The following ABCC12 variants were observed in gnomAD, a reference collection of about 807,000 sequenced individuals.
The protein encoded by ABCC12 is ATP-binding cassette sub-family C member 12.
ABCC12 carries 142 observed loss-of-function variants against 151.1 expected under a neutral mutation model. The ratio of observed to expected loss-of-function variants is 0.94; its 90% CI spans 0.82 to 1.08. ABCC12 has a LOEUF of 1.08. Among genes scored for constraint, ABCC12 ranks in the 50% least tolerant of loss-of-function variants. The pLI, the probability that ABCC12 is intolerant of heterozygous loss-of-function variation, is 0.00. For missense variants in ABCC12, 1,638 were observed against 1,691.1 expected, an observed-to-expected ratio of 0.97 and a Z score of 0.55; for synonymous variants, 645 against 646.4, an observed-to-expected ratio of 1.00 and a Z score of 0.03.
Position 48,115,457 on chromosome 16 carries a change from C to T in ABCC12, c.1947G>A (p.Thr649=), listed in dbSNP as rs566379811. 1.1e-5 allele frequency: 18 copies of T among 1,614,158 alleles called. No homozygotes were observed. The East Asian group carries it at 1.6e-4, about 14-fold the overall frequency. ...CCAGGACGACTGTCTTTCCCCTGAG[C>T]GTCTTCTTAATGCACTCCTCAAAGA... The part of the protein sequence containing the change: ...KHVFEECIKK[T]LRGKTVVLVT... The change falls in exon 15 of 31, where the codon ACG becomes ACA. Residue 649 remains threonine, a synonymous_variant. Transcript: ENST00000311303.
At chr16:48,141,526 A>AG (rs1964815564) in intron 4 of ABCC12, among the ~76,000 whole-genome samples, 173 bp from the exon 5 acceptor site, 1 of 152,184 alleles carries the variant, frequency 6.6e-6, no homozygotes, top group Non-Finnish European at 1.5e-5. Context: ...GGATTTGGGA[A>AG]GGGCAGGGGG....
At chr16:48,118,824 G>A (rs147782470) in intron 13 of ABCC12, among the ~76,000 whole-genome samples, 65 of 152,308 alleles carry the variant, frequency 4.3e-4, no homozygotes, top group East Asian at 2.5e-3. Flanking sequence ...CCAGCTGGGC[G>A]ACCTTGGACA....
At chr16:48,106,363 G>A (rs917437637) in intron 20 of ABCC12, among the ~76,000 whole-genome samples, 7 of 152,058 alleles carry the variant, frequency 4.6e-5, no homozygotes, top group African/African-American at 1.7e-4. Context: ...GGCACCAGGC[G>A]CAAACATACA....
intron 3 of ABCC12, 110 bp downstream of exon 3, chr16:48,146,196 G>T: frequency 1.1e-6 from 1 of 947,670 alleles, no homozygotes; most frequent in Non-Finnish European, 1.7e-6. Flanking sequence ...ACGGACAAAA[G>T]GACGAGCAGA....
intron 26 of ABCC12, 66 bp downstream of exon 26, chr16:48,088,479 C>G (rs1439477693): frequency 2.0e-6 from 3 of 1,533,580 alleles, no homozygotes; most frequent in African/African-American, 2.7e-5. Context: ...TGTGACTTAA[C>G]TAGGACATCC....
rs1469497491 is a variant in ABCC12 at position 48,083,932 on chromosome 16, C to T, written c.3970G>A (p.Val1324Ile). 4.3e-6 allele frequency: 7 copies of T among 1,612,370 alleles called. No homozygotes were observed. Among genetic ancestry groups the T allele is most frequent in the East Asian group, 2.2e-5 (1 of 44,888 alleles). The change falls in exon 30 of 31, where the codon GTC (valine) becomes ATC (isoleucine). Residue 1324 changes from valine to isoleucine, a missense_variant. Val to Ile is a conservative substitution (Grantham distance 29). Coordinates refer to ENST00000311303, the MANE Select transcript of ABCC12 (RefSeq NM_001393797.1). ...ACCTTCCCATTTTCCATAACCAGGA[C>T]GTGATCGCAGTTGAGAACTGTGTTG... Reference protein sequence around the residue: ...RLNTVLNCDHVLVMENGKVIE... With the variant: ...RLNTVLNCDHILVMENGKVIE...
At chr16:48,125,071 G>C in intron 11 of ABCC12, among the ~76,000 whole-genome samples, 1 of 152,194 alleles carries the variant, frequency 6.6e-6, no homozygotes, top group Non-Finnish European at 1.5e-5. Flanking sequence ...GTCTTAGCTT[G>C]AGTTTTCCCA....
At chr16:48,127,259 A>G (rs1422299016) in intron 11 of ABCC12, among the ~76,000 whole-genome samples, 1 of 152,144 alleles carries the variant, frequency 6.6e-6, no homozygotes, top group Non-Finnish European at 1.5e-5. Context: ...CACAAGATTA[A>G]TGTTGAGCCC....
intron 1 of ABCC12, among the ~76,000 whole-genome samples, chr16:48,155,159 C>G (rs889599558): frequency 2.0e-5 from 3 of 152,258 alleles, no homozygotes; most frequent in Admixed American, 6.5e-5. Context: ...ATGCAGGGGA[C>G]AGCACCAAGC....
rs1965147952 is a variant in ABCC12, at chr16:48,153,808, G to T, written c.-243C>A. ...GGTAATTTCCTTGAGTGCTCCCCAG[G>T]GCATGTGAAGTTTTGATGATCTGAG... On this transcript the variant is annotated 5_prime_UTR_variant, in exon 2 of 31. Coordinates refer to ENST00000311303, the MANE Select transcript of ABCC12 (RefSeq NM_001393797.1). The T allele has an allele frequency of 6.6e-6, 1 of 152,192 alleles. No individual in the cohort carries two copies. 9.4% of individuals were successfully genotyped at this position (152,192 alleles called of 1,614,324 possible). A position where few individuals can be genotyped will look rare whatever the true frequency, so the allele number is the denominator to read the frequency against.
rs556325214 is a variant in ABCC12 at position 48,118,973 on chromosome 16, C to T, written c.1713-1640G>A. Among the ~76,000 whole-genome samples, 31 of 152,340 alleles carry T rather than the reference C, an allele frequency of 2.0e-4. No individual in the cohort carries two copies. The South Asian group carries it at 6.4e-3, about 32-fold the overall frequency. On this transcript the variant is annotated intron_variant, in intron 13 of 30. Coordinates refer to ENST00000311303, the MANE Select transcript of ABCC12 (RefSeq NM_001393797.1). ...AGTGTCTGCTGCATGGCAAATTCTC[C>T]ATCAGTGGGGGCTATAATTGCTATT...
At chr16:48,103,892 G>A (rs1963390172) in intron 22 of ABCC12, among the ~76,000 whole-genome samples, 1 of 152,238 alleles carries the variant, frequency 6.6e-6, no homozygotes, top group Non-Finnish European at 1.5e-5. Context: ...GCAGCAGAGA[G>A]GAGGCAATCA....
rs527523978 is a variant in ABCC12, at chr16:48,102,205, G to A, written c.2901-1196C>T. Among the ~76,000 whole-genome samples, 43 of 152,268 alleles carry A rather than the reference G, an allele frequency of 2.8e-4. No homozygotes were observed. In the East Asian group the frequency reaches 7.7e-3, roughly 27 times the overall value. ...CTGGTGGCAGGCCAAGTCTTCATTTGTATAGGAGTAACTGTAACTTCACTT... is the reference window on the plus strand; with the variant it reads ...CTGGTGGCAGGCCAAGTCTTCATTTATATAGGAGTAACTGTAACTTCACTT... On this transcript the variant is annotated intron_variant, in intron 22 of 30. Coordinates refer to ENST00000311303, the MANE Select transcript of ABCC12 (RefSeq NM_001393797.1).
chr16:48,138,585 G>A (rs1567456889), intron 7 of ABCC12, among the ~76,000 whole-genome samples: 1 of 152,144 alleles, frequency 6.6e-6, no homozygotes, highest in Admixed American at 6.5e-5. Flanking sequence ...GGCATGAATT[G>A]CCAGGACTCA....
chr16:48,086,943 A>C, intron 27 of ABCC12, 124 bp from the exon 28 acceptor site: 1 of 800,308 alleles, frequency 1.2e-6, no homozygotes, highest in Non-Finnish European at 2.2e-6. Context: ...CTCGTGCTCC[A>C]AGAATAGTGC....
At chr16:48,100,432 A>C (rs1963261658) in intron 23 of ABCC12, among the ~76,000 whole-genome samples, 1 of 152,234 alleles carries the variant, frequency 6.6e-6, no homozygotes, top group Non-Finnish European at 1.5e-5. Context: ...AGGCTATTTC[A>C]AACTGTTAAA....
At chr16:48,085,790 TGC>T in intron 28 of ABCC12, 84 bp from the exon 29 acceptor site, 1 of 1,087,554 alleles carries the variant, frequency 9.2e-7, no homozygotes, top group Non-Finnish European at 1.4e-6. Context: ...CCCCTTCTCT[TGC>T]ATTCATCAGC....
chr16:48,088,873 A>G, intron 25 of ABCC12, 139 bp from the exon 26 acceptor site: 1 of 717,862 alleles, frequency 1.4e-6, no homozygotes, highest in Non-Finnish European at 2.2e-6. Context: ...CCTTAATTCT[A>G]GAAACTCACA....
rs1964812383 is a variant in ABCC12, at chr16:48,141,441, G to A, written c.276-88C>T. The A allele has an allele frequency of 2.0e-6, 3 of 1,522,490 alleles. No individual in the cohort carries two copies. The East Asian group carries it at 6.8e-5, about 35-fold the overall frequency. 94.3% of individuals were successfully genotyped at this position (1,522,490 alleles called of 1,614,324 possible). A position where few individuals can be genotyped will look rare whatever the true frequency, so the allele number is the denominator to read the frequency against. Reference sequence around the variant, plus strand: ...CTGTTGGGCATGCTCTTGCAAGGGTGCTCGGCAGAGCCCCCCTCCCTGGCA... The same window carrying A: ...CTGTTGGGCATGCTCTTGCAAGGGTACTCGGCAGAGCCCCCCTCCCTGGCA... On this transcript the variant is annotated intron_variant, in intron 4 of 30. Transcript: ENST00000311303.
Sources: gnomAD v4.1 joint callset for allele counts (sites outside exome capture counted in the v4.1 genomes callset) on GRCh38, gnomAD v4.1.1 for gene constraint, MANE v1.5 for transcripts, NCBI Gene and HGNC (gene_info 2026-07-23, HGNC 2026-07-21) for gene names.